The following RBFOX1 variants were observed in gnomAD, a reference collection of about 807,000 sequenced individuals.
RBFOX1 encodes RNA binding fox-1 homolog 1, also known as RNA binding protein fox-1 homolog 1.
RBFOX1 carries 8 observed loss-of-function variants against 57.7 expected under a neutral mutation model. The observed-to-expected ratio is 0.14, with a 90% CI of 0.08 to 0.25. The LOEUF (loss-of-function observed/expected upper bound fraction) is 0.25. Ranked by LOEUF, RBFOX1 falls within the 10% of genes least tolerant of loss-of-function variation. The pLI is 1.00. For missense variants in RBFOX1, 611 were observed against 548.5 expected (o/e 1.11, Z -1.14); for synonymous variants, 326 against 222.4 (o/e 1.47, Z -4.15).
At chr16:6,006,559 A>C (rs1468557871) in intron 4 of RBFOX1, among the ~76,000 whole-genome samples, 1 of 152,220 alleles carries the variant, frequency 6.6e-6, no homozygotes, top group African/African-American at 2.4e-5. Flanking sequence ...CTGATGAAGC[A>C]TTTGGCTCCA....
chr16:7,561,361 A>C (rs1356901379), intron 5 of RBFOX1, among the ~76,000 whole-genome samples: 1 of 152,228 alleles, frequency 6.6e-6, no homozygotes, highest in Non-Finnish European at 1.5e-5. Flanking sequence ...CATCTAGATG[A>C]AGAGACAAGT....
intron 3 of RBFOX1, among the ~76,000 whole-genome samples, chr16:5,843,130 T>G (rs1247271904): frequency 6.6e-6 from 1 of 152,188 alleles, no homozygotes; most frequent in African/African-American, 2.4e-5. Flanking sequence ...CCAGGCCTAT[T>G]ATTTTTATTT....
intron 3 of RBFOX1, among the ~76,000 whole-genome samples, chr16:5,825,248 G>A (rs57044693): frequency 0.037 from 5,618 of 152,340 alleles, 310 homozygotes; most frequent in African/African-American, 0.12. Flanking sequence ...AGGCAGCCCC[G>A]TTGGGGAAGG....
At chr16:7,503,653 G>A (rs1356923507) in intron 4 of RBFOX1, among the ~76,000 whole-genome samples, 1 of 152,162 alleles carries the variant, frequency 6.6e-6, no homozygotes, top group Admixed American at 6.5e-5. Flanking sequence ...GAAAGGAGAT[G>A]GATTATGAAA....
intron 4 of RBFOX1, among the ~76,000 whole-genome samples, chr16:7,474,132 C>G (rs13334975): frequency 0.03 from 4,627 of 152,102 alleles, 236 homozygotes; most frequent in African/African-American, 0.1. Flanking sequence ...ACTAAAAATA[C>G]AAAAATTAGC....
At chr16:6,603,224 A>G (rs2097878021) in intron 2 of RBFOX1, among the ~76,000 whole-genome samples, 1 of 152,166 alleles carries the variant, frequency 6.6e-6, no homozygotes, top group Admixed American at 6.5e-5. Flanking sequence ...CTCAGGGCCA[A>G]GTATATGGCA....
intron 3 of RBFOX1, among the ~76,000 whole-genome samples, chr16:6,916,733 C>G (rs372998104): frequency 6.6e-6 from 1 of 152,144 alleles, no homozygotes; most frequent in Non-Finnish European, 1.5e-5. Context: ...TGCATAAGCT[C>G]GGATTACTTC....
intron 4 of RBFOX1, among the ~76,000 whole-genome samples, chr16:5,917,696 C>G (rs954400609): frequency 1.3e-5 from 2 of 152,210 alleles, no homozygotes; most frequent in Non-Finnish European, 2.9e-5. Flanking sequence ...TCCACCGTTT[C>G]TTCCCTGGAT....
At chr16:5,255,681 CATCTATCCATCCACCCACCT>C (rs2062575811) in intron 1 of RBFOX1, among the ~76,000 whole-genome samples, 1 of 152,032 alleles carries the variant, frequency 6.6e-6, no homozygotes, top group Non-Finnish European at 1.5e-5. Flanking sequence ...CCCACCCACC[CATCTATCCATCCACCCACCT>C]ATCTATCCAT....
In RBFOX1 at chr16:6,246,534, G is replaced by T. The variant is rs2097570092; in HGVS notation, c.-126-70461G>T. ...AAACTTTGAGGCTAGGAAGAAGAGT[G>T]TTACTATGATTGGCAGCTCTGTGGT... On this transcript the variant is annotated intron_variant, in intron 1 of 15. Transcript: ENST00000550418. Among the ~76,000 whole-genome samples the T allele has an allele frequency of 2.0e-5, 3 of 152,238 alleles. No individual in the cohort carries two copies. The South Asian group carries it at 6.2e-4, about 32-fold the overall frequency.
At chr16:6,733,024 G>C (rs1443347054) in intron 3 of RBFOX1, among the ~76,000 whole-genome samples, 1 of 152,254 alleles carries the variant, frequency 6.6e-6, no homozygotes, top group South Asian at 2.1e-4. Context: ...TAGGTACATA[G>C]TCTTTTTAAA....
chr16:7,262,234 C>G (rs551829003), intron 4 of RBFOX1, among the ~76,000 whole-genome samples: 3 of 152,138 alleles, frequency 2.0e-5, no homozygotes, highest in Non-Finnish European at 4.4e-5. Flanking sequence ...CATTTTCATG[C>G]ATGCATAGCC....
At chr16:7,491,926 G>C (rs1046497639) in intron 4 of RBFOX1, among the ~76,000 whole-genome samples, 5 of 152,120 alleles carry the variant, frequency 3.3e-5, no homozygotes, top group African/African-American at 4.8e-5. Flanking sequence ...GTACCACTCC[G>C]TGTGTTCCTT....
chr16:6,903,850 G>A (rs539582395), intron 3 of RBFOX1, among the ~76,000 whole-genome samples: 4 of 152,110 alleles, frequency 2.6e-5, no homozygotes, highest in South Asian at 4.2e-4. Flanking sequence ...GGGAATGCAC[G>A]TCATTACTTG....
chr16:7,000,697 C>G (rs1329581469), intron 3 of RBFOX1, among the ~76,000 whole-genome samples: 1 of 143,888 alleles, frequency 6.9e-6, no homozygotes, highest in Non-Finnish European at 1.5e-5. Flanking sequence ...CTCTGCCTAC[C>G]GGGTTCATGC....
chr16:7,461,311 A>G (rs1266340183), intron 4 of RBFOX1, among the ~76,000 whole-genome samples: 1 of 151,858 alleles, frequency 6.6e-6, no homozygotes, highest in African/African-American at 2.4e-5. Context: ...GGGATTACAG[A>G]TATGTGCCAC....
chr16:7,550,624 C>A (rs1364863337), intron 5 of RBFOX1, among the ~76,000 whole-genome samples: 3 of 152,062 alleles, frequency 2.0e-5, no homozygotes, highest in African/African-American at 7.2e-5. Flanking sequence ...TTAATTCGGA[C>A]CTCATTGAAA....
At chr16:5,392,531 T>A (rs116096306) in intron 1 of RBFOX1, among the ~76,000 whole-genome samples, 1,860 of 150,108 alleles carry the variant, frequency 0.012, 26 homozygotes, top group African/African-American at 0.029. Flanking sequence ...ATATATATAT[T>A]TTTTTTCTTT....
At chr16:7,588,533 C>G (rs2152902155) in intron 7 of RBFOX1, among the ~76,000 whole-genome samples, 1 of 152,310 alleles carries the variant, frequency 6.6e-6, no homozygotes, top group Non-Finnish European at 1.5e-5. Context: ...CTCCTGGCTG[C>G]CAGTCCCCAG....
Sources: allele counts gnomAD v4.1 joint callset (sites outside exome capture counted in the v4.1 genomes callset), GRCh38; gene constraint gnomAD v4.1.1; transcripts MANE v1.5; gene names NCBI Gene and HGNC (gene_info 2026-07-23, HGNC 2026-07-21).